The following SNTG2 variants were observed in gnomAD, a reference collection of about 807,000 sequenced individuals.
SNTG2 encodes the protein gamma-2-syntrophin.
Under a neutral mutation model 70.9 loss-of-function variants are expected in SNTG2, and 74 were observed. That is an observed-to-expected ratio of 1.04 (90% CI 0.86 to 1.27). The LOEUF (loss-of-function observed/expected upper bound fraction) is 1.27. SNTG2 is among the 50% of genes most tolerant of loss of function. SNTG2 has a pLI of 0.00. For synonymous variants in SNTG2, 278 were observed against 273.8 expected, an observed-to-expected ratio of 1.02 and a Z score of -0.15; for missense variants, 717 against 690.7, an observed-to-expected ratio of 1.04 and a Z score of -0.43.
intron 16 of SNTG2, among the ~76,000 whole-genome samples, chr2:1,357,594 T>G: frequency 6.6e-6 from 1 of 152,188 alleles, no homozygotes. Flanking sequence ...AAGATTGATG[T>G]TAATTTTTCT....
intron 7 of SNTG2, among the ~76,000 whole-genome samples, chr2:1,170,958 A>G (rs746357782): frequency 6.6e-6 from 1 of 152,104 alleles, no homozygotes; most frequent in Non-Finnish European, 1.5e-5. Flanking sequence ...ACCATTTTAC[A>G]TTCCAACCAG....
intron 6 of SNTG2, among the ~76,000 whole-genome samples, chr2:1,149,802 C>G (rs1000145785): frequency 6.6e-6 from 1 of 151,690 alleles, no homozygotes; most frequent in Admixed American, 6.6e-5. Flanking sequence ...ATGCTCCTGC[C>G]TCAGGCTCCC....
At chr2:1,151,892 A>G (rs1669521971) in intron 6 of SNTG2, among the ~76,000 whole-genome samples, 1 of 152,164 alleles carries the variant, frequency 6.6e-6, no homozygotes, top group Non-Finnish European at 1.5e-5. Flanking sequence ...CAAGAGCACT[A>G]AGCATCAGAA....
At chr2:1,257,068 C>T (rs1324983026) in intron 12 of SNTG2, among the ~76,000 whole-genome samples, 1 of 152,032 alleles carries the variant, frequency 6.6e-6, no homozygotes, top group African/African-American at 2.4e-5. Context: ...CCCACCTCCC[C>T]TGTTCCTAAC....
At chr2:1,366,613 C>T (rs1325929995) in intron 16 of SNTG2, among the ~76,000 whole-genome samples, 2 of 152,212 alleles carry the variant, frequency 1.3e-5, no homozygotes, top group East Asian at 3.9e-4. Flanking sequence ...GGCACCCTTT[C>T]CTGCTCTCCC....
intron 8 of SNTG2, among the ~76,000 whole-genome samples, chr2:1,207,706 A>G (rs1673730279): frequency 6.6e-6 from 1 of 152,204 alleles, no homozygotes; most frequent in South Asian, 2.1e-4. Context: ...CGAAGCCTCC[A>G]AGGTTCCAGG....
chr2:1,365,189 G>T (rs990609214), intron 16 of SNTG2, among the ~76,000 whole-genome samples: 1 of 152,024 alleles, frequency 6.6e-6, no homozygotes, highest in African/African-American at 2.4e-5. Context: ...TTGAATTAAA[G>T]TTTAACACAA....
In SNTG2 at chr2:1,117,675, C is replaced by T. The variant is rs1572484553; in HGVS notation, c.325+19265C>T. 2.0e-5 allele frequency among the ~76,000 whole-genome samples: 3 copies of T among 152,308 alleles called. No homozygotes were observed. In the Middle Eastern group the frequency reaches 0.01, roughly 518 times the overall value. ...CAACAGCTCCCTGAAACTGGACGAGCTCCCCAGAGTTCAAGCTACAGAGGT... is the reference window on the plus strand; with the variant it reads ...CAACAGCTCCCTGAAACTGGACGAGTTCCCCAGAGTTCAAGCTACAGAGGT... On this transcript the variant is annotated intron_variant, in intron 4 of 16. Transcript: ENST00000308624.
intron 1 of SNTG2, among the ~76,000 whole-genome samples, chr2:952,417 T>G (rs1299613994): frequency 6.6e-6 from 1 of 152,212 alleles, no homozygotes; most frequent in Admixed American, 6.5e-5. Context: ...TGAAGTGGAT[T>G]CATCATACTT....
chr2:1,361,619 A>G (rs1661151752), intron 16 of SNTG2, among the ~76,000 whole-genome samples: 2 of 152,192 alleles, frequency 1.3e-5, no homozygotes, highest in African/African-American at 4.8e-5. Flanking sequence ...TGAGCATTTC[A>G]GTAGAACTTC....
At chr2:1,007,494 A>G (rs1659606795) in intron 1 of SNTG2, among the ~76,000 whole-genome samples, 1 of 152,164 alleles carries the variant, frequency 6.6e-6, no homozygotes, top group Non-Finnish European at 1.5e-5. Flanking sequence ...GGCATTAATT[A>G]TATGTGTTAC....
chr2:970,043 C>A (rs1191957392), intron 1 of SNTG2, among the ~76,000 whole-genome samples: 4 of 152,106 alleles, frequency 2.6e-5, no homozygotes, highest in Non-Finnish European at 5.9e-5. Flanking sequence ...ACCTTCATTG[C>A]CTAGTTTGCG....
chr2:1,208,860 C>G (rs1186974465), intron 8 of SNTG2, among the ~76,000 whole-genome samples: 1 of 152,222 alleles, frequency 6.6e-6, no homozygotes. Context: ...TCTCCTTCTC[C>G]TTCCCTTCAG....
At chr2:1,270,601 G>A (rs1198570405) in intron 14 of SNTG2, among the ~76,000 whole-genome samples, 2 of 152,160 alleles carry the variant, frequency 1.3e-5, no homozygotes, top group Non-Finnish European at 2.9e-5. Context: ...TGAGAGTCAC[G>A]TTCTTTCTGC....
At chr2:1,066,973 G>A (rs1663201392) in intron 1 of SNTG2, among the ~76,000 whole-genome samples, 1 of 152,108 alleles carries the variant, frequency 6.6e-6, no homozygotes. Flanking sequence ...TGCACTGTAC[G>A]TTTGTTAGCT....
chr2:1,193,212 C>T (rs1376892666), intron 8 of SNTG2, among the ~76,000 whole-genome samples: 1 of 152,192 alleles, frequency 6.6e-6, no homozygotes, highest in Non-Finnish European at 1.5e-5. Context: ...AAATAGGTGG[C>T]TCTGAAACGG....
At chr2:990,470 C>T (rs997709609) in intron 1 of SNTG2, among the ~76,000 whole-genome samples, 3 of 152,168 alleles carry the variant, frequency 2.0e-5, no homozygotes, top group African/African-American at 7.2e-5. Flanking sequence ...TCACTGTGTC[C>T]TCTCGTGGTG....
intron 9 of SNTG2, among the ~76,000 whole-genome samples, chr2:1,223,407 G>T (rs541569318): frequency 5.3e-5 from 8 of 151,784 alleles, no homozygotes; most frequent in Non-Finnish European, 1.0e-4. Flanking sequence ...CGCAGTGATG[G>T]AGGGCGTCTC....
intron 2 of SNTG2, among the ~76,000 whole-genome samples, chr2:1,088,502 A>G (rs1344385796): frequency 6.6e-6 from 1 of 152,232 alleles, no homozygotes; most frequent in Non-Finnish European, 1.5e-5. Context: ...TGTGCTCCAC[A>G]GAGCTCATCA....
Sources: gnomAD v4.1 joint callset for allele counts (sites outside exome capture counted in the v4.1 genomes callset) on GRCh38, gnomAD v4.1.1 for gene constraint, MANE v1.5 for transcripts, NCBI Gene and HGNC (gene_info 2026-07-23, HGNC 2026-07-21) for gene names.